Variants in GRM8 observed in about 807,000 individuals in gnomAD.
GRM8 encodes the protein metabotropic glutamate receptor 8.
Under a neutral mutation model 87.2 loss-of-function variants are expected in GRM8, and 47 were observed. That is an observed-to-expected ratio of 0.54 (90% CI 0.43 to 0.69). The LOEUF is 0.69. Among genes scored for constraint, GRM8 ranks in the 30% least tolerant of loss-of-function variants. The pLI is 0.00. For synonymous variants in GRM8, 396 were observed against 404.5 expected (o/e 0.98, Z 0.25); for missense variants, 1,019 against 1,139.2 (o/e 0.89, Z 1.52).
At chr7:127,174,206 C>G (rs1793968932) in intron 2 of GRM8, among the ~76,000 whole-genome samples, 1 of 152,206 alleles carries the variant, frequency 6.6e-6, no homozygotes. Context: ...CCCTCTTTCA[C>G]TGTCATAACT....
intron 7 of GRM8, among the ~76,000 whole-genome samples, chr7:126,635,958 A>C (rs190334194): frequency 6.6e-6 from 1 of 152,160 alleles, no homozygotes; most frequent in Non-Finnish European, 1.5e-5. Flanking sequence ...CTTGTACTAG[A>C]AAGTTGATAT....
At chr7:126,551,369 T>C (rs1452758285) in intron 8 of GRM8, among the ~76,000 whole-genome samples, 1 of 152,204 alleles carries the variant, frequency 6.6e-6, no homozygotes, top group African/African-American at 2.4e-5. Context: ...GAATGCTGGT[T>C]CACTATTCTT....
chr7:126,930,547 CAATATTA>C (rs1432843220), intron 3 of GRM8, among the ~76,000 whole-genome samples: 2 of 152,174 alleles, frequency 1.3e-5, no homozygotes, highest in African/African-American at 4.8e-5. Flanking sequence ...AGGGAAAGCA[CAATATTA>C]AACAAATAAT....
intron 8 of GRM8, among the ~76,000 whole-genome samples, chr7:126,548,131 A>G (rs1253849673): frequency 6.6e-6 from 1 of 152,060 alleles, no homozygotes; most frequent in African/African-American, 2.4e-5. Context: ...CTCTCTAAGA[A>G]CATGAACTTT....
intron 6 of GRM8, among the ~76,000 whole-genome samples, chr7:126,876,301 GAATA>G (rs1197408046): frequency 6.6e-6 from 1 of 152,302 alleles, no homozygotes; most frequent in East Asian, 1.9e-4. Context: ...TTGAAAGGAT[GAATA>G]AATAAACATT....
chr7:126,841,417 T>C (rs1204358819), intron 6 of GRM8, among the ~76,000 whole-genome samples: 1 of 152,076 alleles, frequency 6.6e-6, no homozygotes, highest in Non-Finnish European at 1.5e-5. Flanking sequence ...TCTGATATGG[T>C]GGCCTCAGAG....
intron 6 of GRM8, among the ~76,000 whole-genome samples, chr7:126,772,787 C>T (rs1453896174): frequency 6.6e-6 from 1 of 152,062 alleles, no homozygotes; most frequent in Admixed American, 6.6e-5. Flanking sequence ...CCACCATGTC[C>T]TTAGACACAC....
In GRM8 at chr7:126,455,890, G is replaced by T. The variant is rs374392085; in HGVS notation, c.2431-9518C>A. On this transcript the variant is annotated intron_variant, in intron 9 of 10. Coordinates refer to ENST00000339582, the MANE Select transcript of GRM8 (RefSeq NM_000845.3). ...TTAGCAAATACTTAAGGAGAATCAA[G>T]ACACCTTACAAAGAGAATAATATAA... Among the ~76,000 whole-genome samples, 5 of 151,226 alleles carry T rather than the reference G, an allele frequency of 3.3e-5. No individual in the cohort carries two copies. The South Asian group carries it at 1.0e-3, about 31-fold the overall frequency.
In GRM8 at chr7:127,055,300, A is replaced by G. The variant is rs549904319; in HGVS notation, c.727+51196T>C. Reference sequence around the variant, plus strand: ...TTTAGGTAGTCTATGGAATGAAAATAGTCTTCATCTGAAGGATCCAAAGAG... The same window carrying G: ...TTTAGGTAGTCTATGGAATGAAAATGGTCTTCATCTGAAGGATCCAAAGAG... On this transcript the variant is annotated intron_variant, in intron 3 of 10. Coordinates refer to ENST00000339582, the MANE Select transcript of GRM8 (RefSeq NM_000845.3). 9.2e-5 allele frequency among the ~76,000 whole-genome samples: 14 copies of G among 152,354 alleles called. 1 individual carries two copies. The South Asian group carries it at 2.9e-3, about 32-fold the overall frequency.
At chr7:126,606,618 A>G (rs184555082) in intron 8 of GRM8, among the ~76,000 whole-genome samples, 144 of 152,298 alleles carry the variant, frequency 9.5e-4, no homozygotes, top group African/African-American at 3.3e-3. Context: ...AATCCTCAGA[A>G]TTCAATTCTT....
chr7:126,499,345 T>G (rs1226943339), intron 9 of GRM8, among the ~76,000 whole-genome samples: 2 of 151,694 alleles, frequency 1.3e-5, no homozygotes, highest in Non-Finnish European at 2.9e-5. Flanking sequence ...AGGAAACCCT[T>G]CTATACTCAC....
intron 3 of GRM8, among the ~76,000 whole-genome samples, chr7:126,956,789 G>T (rs1808732451): frequency 6.6e-6 from 1 of 152,162 alleles, no homozygotes; most frequent in Admixed American, 6.5e-5. Flanking sequence ...GAGAAGACAT[G>T]AATCTTGTCA....
At chr7:127,169,611 AGGATTAACTAG>A (rs778481589) in intron 2 of GRM8, among the ~76,000 whole-genome samples, 2 of 151,838 alleles carry the variant, frequency 1.3e-5, no homozygotes, top group African/African-American at 2.4e-5. Context: ...GATTCCATCC[AGGATTAACTAG>A]AGAGGAAAGC....
intron 6 of GRM8, among the ~76,000 whole-genome samples, chr7:126,896,992 G>A (rs1409227979): frequency 1.3e-5 from 2 of 152,126 alleles, no homozygotes; most frequent in African/African-American, 4.8e-5. Flanking sequence ...GGCACATGGT[G>A]AGCTTCAAAA....
intron 6 of GRM8, among the ~76,000 whole-genome samples, chr7:126,838,151 A>G (rs1037558201): frequency 7.2e-5 from 11 of 152,240 alleles, no homozygotes; most frequent in African/African-American, 2.7e-4. Context: ...ATGAACTGCT[A>G]GAGTATTTTT....
At chr7:126,819,928 G>T (rs958505083) in intron 6 of GRM8, among the ~76,000 whole-genome samples, 8 of 151,998 alleles carry the variant, frequency 5.3e-5, no homozygotes, top group Non-Finnish European at 1.2e-4. Flanking sequence ...CTTCAGCAAT[G>T]ATGGAAAAAT....
At chr7:127,197,418 C>A (rs958832191) in intron 2 of GRM8, among the ~76,000 whole-genome samples, 1 of 152,144 alleles carries the variant, frequency 6.6e-6, no homozygotes, top group Non-Finnish European at 1.5e-5. Context: ...TGCTAAGTTA[C>A]TATCTCTATG....
chr7:126,903,977 A>G lies in GRM8; in HGVS notation c.1013T>C (p.Ile338Thr), dbSNP rs150900018. ...TCTCTATGGTGCATTCTTACCATCA[A>G]TTGATGCTCGTTTGGGCAAAATTGT... ...AVTILPKRAS[I>T]DGFDRYFRSR... Residue 338 changes from isoleucine (I) to threonine (T), a missense_variant, in exon 5 of 11, where the codon ATT becomes ACT. By Grantham distance (89) the Ile-to-Thr change is moderately conservative. Transcript: ENST00000339582. 8 of 1,479,290 alleles carry G rather than the reference A, an allele frequency of 5.4e-6. No homozygotes were observed. The highest frequency in any genetic ancestry group is 4.6e-5 in the South Asian group (4 of 87,032). 91.6% of individuals were successfully genotyped at this position (1,479,290 alleles called of 1,614,324 possible). A position where few individuals can be genotyped will look rare whatever the true frequency, so the allele number is the denominator to read the frequency against.
intron 9 of GRM8, among the ~76,000 whole-genome samples, chr7:126,524,722 A>G (rs1337861328): frequency 6.6e-6 from 1 of 150,980 alleles, no homozygotes; most frequent in African/African-American, 2.4e-5. Flanking sequence ...TCTGGTTCTG[A>G]CTTTTATTTT....
Sources: gnomAD v4.1 joint callset for allele counts (sites outside exome capture counted in the v4.1 genomes callset) on GRCh38, gnomAD v4.1.1 for gene constraint, MANE v1.5 for transcripts, NCBI Gene and HGNC (gene_info 2026-07-23, HGNC 2026-07-21) for gene names.